Variants in ARL8B observed in about 807,000 individuals in gnomAD.
The protein encoded by ARL8B is ARF like GTPase 8B.
In ARL8B, 9 loss-of-function variants were observed where a neutral mutation model predicts 30.6. That is an observed-to-expected ratio of 0.29 (90% confidence interval 0.18 to 0.51). ARL8B has a LOEUF of 0.51. Ranked by LOEUF, ARL8B falls within the 20% of genes least tolerant of loss-of-function variation. The probability of loss-of-function intolerance (pLI) is 0.97; values close to 1 mark genes in which losing one functional copy is unlikely to be tolerated. For synonymous variants in ARL8B, 74 were observed against 76.0 expected (o/e 0.97, Z 0.14); for missense variants, 130 against 227.2 (o/e 0.57, Z 2.75).
At chr3:5,157,407 T>C (rs2054542746) in intron 1 of ARL8B, among the ~76,000 whole-genome samples, 1 of 152,180 alleles carries the variant, frequency 6.6e-6, no homozygotes, top group Non-Finnish European at 1.5e-5. Context: ...CCTGGAAAGC[T>C]TGAGGCTCCT....
intron 3 of ARL8B, 94 bp from the exon 4 acceptor site, chr3:5,172,553 A>G: frequency 1.2e-6 from 1 of 859,234 alleles, no homozygotes; most frequent in Non-Finnish European, 1.8e-6. Flanking sequence ...AATTTCAATA[A>G]TGTAAATCTT....
At chr3:5,151,632 A>G (rs1366634575) in intron 1 of ARL8B, among the ~76,000 whole-genome samples, 1 of 152,088 alleles carries the variant, frequency 6.6e-6, no homozygotes, top group East Asian at 1.9e-4. Context: ...AATTATTTCT[A>G]GTTTAATTCC....
At chr3:5,145,567 C>T (rs572216007) in intron 1 of ARL8B, among the ~76,000 whole-genome samples, 2 of 152,228 alleles carry the variant, frequency 1.3e-5, no homozygotes, top group African/African-American at 4.8e-5. Context: ...AAGGGGCATG[C>T]CCTGGTCTAC....
At chr3:5,151,325 C>G (rs1177742389) in intron 1 of ARL8B, among the ~76,000 whole-genome samples, 1 of 152,036 alleles carries the variant, frequency 6.6e-6, no homozygotes, top group East Asian at 1.9e-4. Flanking sequence ...TGCCTGTAGT[C>G]CCAGCTACTT....
chr3:5,125,684 C>T (rs189419455), intron 1 of ARL8B, among the ~76,000 whole-genome samples: 2 of 152,224 alleles, frequency 1.3e-5, no homozygotes, highest in African/African-American at 4.8e-5. Flanking sequence ...AGGCGACTGC[C>T]ACCATGCCCA....
At chr3:5,132,308 G>A (rs919332639) in intron 1 of ARL8B, among the ~76,000 whole-genome samples, 3 of 151,902 alleles carry the variant, frequency 2.0e-5, no homozygotes, top group Admixed American at 1.3e-4. Context: ...AGGCTGGAGT[G>A]CAGTGGCGCG....
At chr3:5,125,028 GT>G (rs1206088366) in intron 1 of ARL8B, among the ~76,000 whole-genome samples, 1 of 152,176 alleles carries the variant, frequency 6.6e-6, no homozygotes, top group Non-Finnish European at 1.5e-5. Flanking sequence ...TTATGCTTCT[GT>G]TTTCAGTAGA....
rs750793966 is a variant in ARL8B at position 5,146,926 on chromosome 3, A to G, written c.124-23577A>G. ...TCTTTTTCCTCAGGTCCCACCTTCAAATTTATCAAGGGTTCCTAGTGGGAC... is the reference window on the plus strand; with the variant it reads ...TCTTTTTCCTCAGGTCCCACCTTCAGATTTATCAAGGGTTCCTAGTGGGAC... On this transcript the variant is annotated intron_variant, in intron 1 of 6. Transcript: ENST00000256496. 3.9e-5 allele frequency among the ~76,000 whole-genome samples: 6 copies of G among 152,098 alleles called. No homozygotes were observed. In the East Asian group the frequency reaches 7.7e-4, roughly 20 times the overall value.
chr3:5,128,569 GT>G (rs2054252677), intron 1 of ARL8B: 3 of 375,498 alleles, frequency 8.0e-6, no homozygotes, highest in Non-Finnish European at 1.6e-5. Context: ...GATTTTTTAA[GT>G]TTTTCAAAGA....
At chr3:5,159,456 G>T (rs2054561346) in intron 1 of ARL8B, among the ~76,000 whole-genome samples, 1 of 151,744 alleles carries the variant, frequency 6.6e-6, no homozygotes, top group Non-Finnish European at 1.5e-5. Context: ...TACAAAATTA[G>T]CTGGGTGTGG....
chr3:5,149,518 CA>C (rs2054460580), intron 1 of ARL8B, among the ~76,000 whole-genome samples: 1 of 152,260 alleles, frequency 6.6e-6, no homozygotes. Flanking sequence ...TATCTCCTAG[CA>C]CACAAGTCCC....
At chr3:5,173,701 C>T (rs899961494) in intron 4 of ARL8B, among the ~76,000 whole-genome samples, 5 of 150,718 alleles carry the variant, frequency 3.3e-5, no homozygotes, top group East Asian at 3.9e-4. Flanking sequence ...GGTGACAGAG[C>T]GAGACTCTGT....
At chr3:5,166,112 T>C (rs539122712) in intron 1 of ARL8B, among the ~76,000 whole-genome samples, 3 of 151,232 alleles carry the variant, frequency 2.0e-5, no homozygotes, top group African/African-American at 7.3e-5. Context: ...TGATCTTGGC[T>C]CGCTGCAACC....
At chr3:5,167,389 G>A (rs902915877) in intron 1 of ARL8B, among the ~76,000 whole-genome samples, 2 of 152,142 alleles carry the variant, frequency 1.3e-5, no homozygotes, top group African/African-American at 4.8e-5. Flanking sequence ...GAAGAGTACT[G>A]TGCCTAATTT....
chr3:5,130,921 G>T (rs1404705563), intron 1 of ARL8B, among the ~76,000 whole-genome samples: 1 of 151,948 alleles, frequency 6.6e-6, no homozygotes, highest in South Asian at 2.1e-4. Context: ...CCTTTTCTTC[G>T]CTCTTTTCTT....
chr3:5,125,536 CTT>C (rs66519927), intron 1 of ARL8B, among the ~76,000 whole-genome samples: 5 of 141,906 alleles, frequency 3.5e-5, no homozygotes. Flanking sequence ...CCACCATTAT[CTT>C]TTTTTTTTTT....
At chr3:5,140,153 G>T (rs1042591077) in intron 1 of ARL8B, among the ~76,000 whole-genome samples, 1 of 152,016 alleles carries the variant, frequency 6.6e-6, no homozygotes, top group Non-Finnish European at 1.5e-5. Context: ...TCTCCTGTTG[G>T]TTCTTAGGGA....
chr3:5,127,356 TATTTA>T (rs1271585428), intron 1 of ARL8B, among the ~76,000 whole-genome samples: 2 of 152,230 alleles, frequency 1.3e-5, no homozygotes, highest in South Asian at 2.1e-4. Context: ...ATCTTTTTTG[TATTTA>T]ATTTAATTTA....
At chr3:5,171,693 A>C (rs145319192) in intron 2 of ARL8B, among the ~76,000 whole-genome samples, 175 of 152,348 alleles carry the variant, frequency 1.1e-3, no homozygotes, top group African/African-American at 4.0e-3. Context: ...AATGTTGGCT[A>C]CTTATTTACA....
Sources: gnomAD v4.1 joint callset for allele counts (sites outside exome capture counted in the v4.1 genomes callset) on GRCh38, gnomAD v4.1.1 for gene constraint, MANE v1.5 for transcripts, NCBI Gene and HGNC (gene_info 2026-07-23, HGNC 2026-07-21) for gene names.